TXNDC16: variants seen among roughly 807,000 people sequenced by gnomAD.
The protein encoded by TXNDC16 is thioredoxin domain-containing protein 16.
TXNDC16 carries 74 observed loss-of-function variants against 85.6 expected under a neutral mutation model. That is an observed-to-expected ratio of 0.86 (90% CI 0.72 to 1.05). The LOEUF (loss-of-function observed/expected upper bound fraction) is 1.05. Ranked by LOEUF, TXNDC16 falls within the 50% of genes least tolerant of loss-of-function variation. The pLI, the probability that TXNDC16 is intolerant of heterozygous loss-of-function variation, is 0.00. For synonymous variants in TXNDC16, 335 were observed against 326.5 expected, an observed-to-expected ratio of 1.03 and a Z score of -0.28; for missense variants, 959 against 947.0, an observed-to-expected ratio of 1.01 and a Z score of -0.17.
intron 9 of TXNDC16, among the ~76,000 whole-genome samples, chr14:52,503,010 G>A (rs1328935456): frequency 6.6e-6 from 1 of 152,222 alleles, no homozygotes; most frequent in East Asian, 1.9e-4. Context: ...CAAACTGCAA[G>A]GTGGCAGCGA....
chr14:52,498,534 C>T (rs2036585549), intron 9 of TXNDC16, among the ~76,000 whole-genome samples: 1 of 151,394 alleles, frequency 6.6e-6, no homozygotes, highest in African/African-American at 2.4e-5. Context: ...ATGAGCAATC[C>T]AAAAATAAAA....
intron 14 of TXNDC16, among the ~76,000 whole-genome samples, chr14:52,480,343 T>A (rs928198915): frequency 6.6e-6 from 1 of 151,886 alleles, no homozygotes; most frequent in Admixed American, 6.6e-5. Flanking sequence ...ACTAAAGAGC[T>A]CTTGCACAGC....
At chr14:52,493,042 C>T (rs2036444028) in intron 9 of TXNDC16, among the ~76,000 whole-genome samples, 1 of 151,394 alleles carries the variant, frequency 6.6e-6, no homozygotes, top group African/African-American at 2.4e-5. Flanking sequence ...TTTGGGAGGC[C>T]AAGACAGAAG....
rs143852812 is a variant in TXNDC16, at chr14:52,445,338, A to G, written c.1843-4614T>C. 4.1e-3 allele frequency among the ~76,000 whole-genome samples: 630 copies of G among 152,240 alleles called. 5 individuals are homozygous for G. The highest frequency in any genetic ancestry group is 0.015 in the African/African-American group (612 of 41,564). On this transcript the variant is annotated intron_variant, in intron 18 of 20. Coordinates refer to ENST00000281741, the MANE Select transcript of TXNDC16 (RefSeq NM_020784.3). ...TATAACCTATAATTTTAACAGGAGG[A>G]AAGGACAGAACCAAGACACAAAAAG...
intron 20 of TXNDC16, among the ~76,000 whole-genome samples, chr14:52,435,081 C>A (rs2034994803): frequency 6.6e-6 from 1 of 152,128 alleles, no homozygotes; most frequent in Non-Finnish European, 1.5e-5. Context: ...TTATACTTTA[C>A]AAAGTGCCTC....
At chr14:52,458,504 C>T (rs1255699269) in intron 16 of TXNDC16, among the ~76,000 whole-genome samples, 1 of 152,084 alleles carries the variant, frequency 6.6e-6, no homozygotes, top group Admixed American at 6.6e-5. Flanking sequence ...TTGCACTGAG[C>T]TGAGATCATG....
chr14:52,465,388 C>A (rs898693228), intron 16 of TXNDC16, among the ~76,000 whole-genome samples: 1 of 151,832 alleles, frequency 6.6e-6, no homozygotes, highest in Admixed American at 6.6e-5. Context: ...GTGAGGAGAT[C>A]GAGACCATCC....
intron 6 of TXNDC16, among the ~76,000 whole-genome samples, chr14:52,530,437 ATAATATATTATT>A (rs2037512055): frequency 5.7e-5 from 1 of 17,604 alleles, no homozygotes; most frequent in Admixed American, 1.2e-3. Context: ...ATAATAATAT[ATAATATATTATT>A]ATATAATAAT....
At chr14:52,443,741 T>A (rs994165783) in intron 18 of TXNDC16, among the ~76,000 whole-genome samples, 1 of 152,180 alleles carries the variant, frequency 6.6e-6, no homozygotes, top group African/African-American at 2.4e-5. Flanking sequence ...CTGTATCAGA[T>A]TGGTGACACA....
intron 16 of TXNDC16, among the ~76,000 whole-genome samples, chr14:52,458,527 A>T (rs2035585296): frequency 6.6e-6 from 1 of 151,946 alleles, no homozygotes; most frequent in Non-Finnish European, 1.5e-5. Context: ...AGCCTGGGCC[A>T]CAGAGCGAGA....
intron 9 of TXNDC16, among the ~76,000 whole-genome samples, chr14:52,505,220 C>A (rs993409664): frequency 2.0e-5 from 3 of 152,152 alleles, no homozygotes; most frequent in South Asian, 2.1e-4. Flanking sequence ...ACCAAGCAGA[C>A]CTAATACACA....
At chr14:52,519,328 C>A in intron 6 of TXNDC16, 35 bp from the exon 7 acceptor site, 2 of 1,514,648 alleles carry the variant, frequency 1.3e-6, no homozygotes, top group Admixed American at 1.8e-5. Context: ...GTAGAAAAAT[C>A]TGATATGTAT....
chr14:52,490,486 TA>T, intron 10 of TXNDC16, 35 bp from the exon 11 acceptor site: 1 of 1,496,090 alleles, frequency 6.7e-7, no homozygotes, highest in Non-Finnish European at 9.2e-7. Context: ...TTTATGTTGC[TA>T]ATCTGAAGAA....
intron 18 of TXNDC16, among the ~76,000 whole-genome samples, chr14:52,446,438 T>G (rs937694775): frequency 3.3e-5 from 5 of 152,132 alleles, no homozygotes; most frequent in African/African-American, 1.2e-4. Flanking sequence ...ACAGCAAGAC[T>G]TGTCACCTCA....
chr14:52,504,368 T>C (rs1438027856), intron 9 of TXNDC16, among the ~76,000 whole-genome samples: 2 of 152,240 alleles, frequency 1.3e-5, no homozygotes, highest in African/African-American at 4.8e-5. Flanking sequence ...TAACAGCTGA[T>C]CTCTCAGCAG....
chr14:52,490,484 G>A, intron 10 of TXNDC16, 33 bp from the exon 11 acceptor site: 1 of 1,514,232 alleles, frequency 6.6e-7, no homozygotes, highest in Non-Finnish European at 9.0e-7. Flanking sequence ...GTTTTATGTT[G>A]CTAATCTGAA....
chr14:52,447,369 C>T lies in TXNDC16; in HGVS notation c.1843-6645G>A, dbSNP rs1310234519. On this transcript the variant is annotated intron_variant, in intron 18 of 20. Coordinates refer to ENST00000281741, the MANE Select transcript of TXNDC16 (RefSeq NM_020784.3). The stretch of plus-strand genomic sequence containing the variant: ...CATCCTAAAGGGAAGAACACAGGCC[C>T]AGCTGGCTTAGCCACCTCTGATTTT... Among the ~76,000 whole-genome samples the T allele has an allele frequency of 7.9e-5, 12 of 152,266 alleles. No homozygotes were observed. In the East Asian group the frequency reaches 2.3e-3, roughly 29 times the overall value.
intron 6 of TXNDC16, among the ~76,000 whole-genome samples, chr14:52,529,048 T>C (rs1186442484): frequency 1.3e-5 from 2 of 149,252 alleles, no homozygotes; most frequent in African/African-American, 4.9e-5. Flanking sequence ...ATATAATACC[T>C]ATTATATAGC....
chr14:52,476,111 C>T (rs1170387366), intron 14 of TXNDC16, among the ~76,000 whole-genome samples: 1 of 152,214 alleles, frequency 6.6e-6, no homozygotes, highest in African/African-American at 2.4e-5. Flanking sequence ...CAGGAAGCCA[C>T]ATCCCTAGGA....
Sources: gnomAD v4.1 joint callset for allele counts (sites outside exome capture counted in the v4.1 genomes callset) on GRCh38, gnomAD v4.1.1 for gene constraint, MANE v1.5 for transcripts, NCBI Gene and HGNC (gene_info 2026-07-23, HGNC 2026-07-21) for gene names.